The following ASNS variants were observed in gnomAD, a reference collection of about 807,000 sequenced individuals.
The protein encoded by ASNS is asparagine synthetase [glutamine-hydrolyzing].
A neutral mutation model predicts 62.6 loss-of-function variants in ASNS; 37 were observed. That is an observed-to-expected ratio of 0.59 (90% CI 0.45 to 0.78). ASNS has a LOEUF of 0.78. Ranked by LOEUF, ASNS falls within the 30% of genes least tolerant of loss-of-function variation. ASNS has a pLI of 0.00. For synonymous variants in ASNS, 207 were observed against 237.9 expected (o/e 0.87, Z 1.19); for missense variants, 520 against 682.4 (o/e 0.76, Z 2.65).
At chr7:97,917,216 C>CAAAAAAAA in the ASNS span, among the ~76,000 whole-genome samples, 1 of 113,658 alleles carries the variant, frequency 8.8e-6, no homozygotes, top group South Asian at 2.8e-4. Context: ...ATATTTGCAC[C>CAAAAAAAA]AAAAAAAAAA....
At chr7:97,912,880 C>A in the ASNS span, 1 of 142,038 alleles carries the variant, frequency 7.0e-6, no homozygotes, top group East Asian at 2.3e-4. Flanking sequence ...CCCTGCCCAG[C>A]CAATTTGCTA....
At chr7:97,924,807 A>T in the ASNS span, among the ~76,000 whole-genome samples, 1 of 152,248 alleles carries the variant, frequency 6.6e-6, no homozygotes, top group African/African-American at 2.4e-5. Context: ...ATGTAAAAAG[A>T]TATTGCCCAA....
rs1791602042 is a variant in ASNS at position 97,859,246 on chromosome 7, C to T, written c.640G>A (p.Ala214Thr). ...YHHCRDVPLH[A>T]LYDNVEKLFP... ...AGTTTCTCCACATTGTCATAGAGGG[C>T]GTGCAGGGGTACATCCCGACAGTGA... is the stretch of plus-strand genomic sequence containing the variant. The change falls in exon 5 of 13, where the codon GCC (alanine) becomes ACC (threonine). Residue 214 changes from alanine to threonine, a missense_variant. Coordinates refer to ENST00000394308, the MANE Select transcript of ASNS (RefSeq NM_001673.5). The T allele has an allele frequency of 4.3e-6, 7 of 1,613,532 alleles. No homozygotes were observed. Among genetic ancestry groups the T allele is most frequent in the South Asian group, 2.2e-5 (2 of 91,000 alleles).
intron 4 of ASNS, among the ~76,000 whole-genome samples, chr7:97,861,303 C>T (rs1254535699): frequency 1.3e-5 from 2 of 152,142 alleles, no homozygotes; most frequent in Non-Finnish European, 1.5e-5. Context: ...TAAGCCATCG[C>T]GCCTGGCCTG....
rs370383154 is a variant in ASNS at position 97,855,433 on chromosome 7, G to T, written c.1057C>A (p.Arg353=). ...VGMYLISKYI[R]KNTDSVVIFS... is the part of the protein sequence containing the mutation. ...ATCACCACGCTATCTGTGTTCTTCC[G>T]AATATACTTGGAAATTAAATACATA... The change falls in exon 9 of 13, where the codon CGG becomes AGG. Residue 353 remains arginine, a synonymous_variant. Transcript: ENST00000394308. 2 of 1,610,580 alleles carry T rather than the reference G, an allele frequency of 1.2e-6. No homozygotes were observed. The highest frequency in any genetic ancestry group is 1.7e-6 in the Non-Finnish European group (2 of 1,178,760).
chr7:97,859,033 T>A (rs1791589018), intron 5 of ASNS, 78 bp from the exon 6 acceptor site: 1 of 1,425,672 alleles, frequency 7.0e-7, no homozygotes, highest in African/African-American at 1.4e-5. Flanking sequence ...TACACAATCA[T>A]CAACATCTAT....
At chr7:97,896,733 C>T in the ASNS span, among the ~76,000 whole-genome samples, 169 of 26,138 alleles carry the variant, frequency 6.5e-3, no homozygotes, top group African/African-American at 0.015. Context: ...CACACACACA[C>T]ACACACACAT....
chr7:97,900,365 A>AG, the ASNS span, among the ~76,000 whole-genome samples: 2 of 149,224 alleles, frequency 1.3e-5, no homozygotes, highest in Admixed American at 1.3e-4. Flanking sequence ...TGTCTCAAAA[A>AG]AAAAAAAAAA....
chr7:97,867,192 T>C (rs1792022309), intron 3 of ASNS, among the ~76,000 whole-genome samples: 1 of 149,778 alleles, frequency 6.7e-6, no homozygotes, highest in Admixed American at 6.7e-5. Flanking sequence ...GGCCTGCTCT[T>C]TGCCCCAGCC....
chr7:97,883,618 A>C, the ASNS span, among the ~76,000 whole-genome samples: 1 of 152,234 alleles, frequency 6.6e-6, no homozygotes, highest in Non-Finnish European at 1.5e-5. Flanking sequence ...CACAGGGACC[A>C]AAGCGATCAC....
the ASNS span, chr7:97,906,281 A>G: frequency 9.5e-6 from 4 of 419,676 alleles, no homozygotes; most frequent in East Asian, 1.8e-4. Flanking sequence ...TCGCCCTGCC[A>G]TTGTTAGCAA....
chr7:97,913,729 T>C, the ASNS span, among the ~76,000 whole-genome samples: 2 of 150,828 alleles, frequency 1.3e-5, no homozygotes, highest in African/African-American at 2.4e-5. Context: ...TCTCAATTAC[T>C]AGAGCAGATA....
chr7:97,852,084 C>G lies in ASNS; in HGVS notation c.*175G>C. ...GATACAGCAAAACAGTTCTAGTTACCTCTTATGAAGAGACTGCATGAACAT... is the reference window on the plus strand; with the variant it reads ...GATACAGCAAAACAGTTCTAGTTACGTCTTATGAAGAGACTGCATGAACAT... On this transcript the variant is annotated 3_prime_UTR_variant, in exon 13 of 13. Transcript: ENST00000394308. 1.5e-6 allele frequency: 1 copy of G among 679,804 alleles called. No homozygotes were observed. Among genetic ancestry groups the G allele is most frequent in the South Asian group, 2.0e-5 (1 of 50,372 alleles). The allele number at this position is 679,804 out of a possible 1,614,324, so 42.1% of individuals were successfully genotyped here.
At chr7:97,855,022 G>A in intron 9 of ASNS, 1 of 364,696 alleles carries the variant, frequency 2.7e-6, no homozygotes, top group Non-Finnish European at 4.9e-6. Flanking sequence ...CTGTCAACCA[G>A]GCAGGAGTGC....
the ASNS span, chr7:97,928,096 C>CA: frequency 6.5e-7 from 1 of 1,527,450 alleles, no homozygotes; most frequent in African/African-American, 1.4e-5. Flanking sequence ...CTGCCGTCGC[C>CA]ACCTGTCTGG....
At chr7:97,890,543 A>T in the ASNS span, among the ~76,000 whole-genome samples, 8 of 150,992 alleles carry the variant, frequency 5.3e-5, no homozygotes, top group South Asian at 6.2e-4. Flanking sequence ...AAATAAAAAT[A>T]AAAAAATGTA....
chr7:97,926,187 G>A, the ASNS span, among the ~76,000 whole-genome samples: 1,104 of 151,974 alleles, frequency 7.3e-3, 3 homozygotes, highest in Middle Eastern at 0.024. Flanking sequence ...ACCCAACCAC[G>A]AGATCACAGC....
chr7:97,895,418 G>A, the ASNS span, among the ~76,000 whole-genome samples: 1 of 152,180 alleles, frequency 6.6e-6, no homozygotes, highest in African/African-American at 2.4e-5. Flanking sequence ...TGGACAAAAG[G>A]AGGTCAAATT....
chr7:97,869,204 C>A lies in ASNS; in HGVS notation c.-23-25G>T, dbSNP rs778413859. On this transcript the variant is annotated intron_variant, in intron 2 of 12. Transcript: ENST00000394308. ...TCTATGGAGAGAAAAGCAGACAAAT[C>A]AAAAATATTCAATATCCAATCCAAC... The A allele has an allele frequency of 1.9e-5, 31 of 1,595,542 alleles. 1 individual carries two copies. The East Asian group carries it at 4.3e-4, about 22-fold the overall frequency.
Sources: gnomAD v4.1 joint callset for allele counts (sites outside exome capture counted in the v4.1 genomes callset) on GRCh38, gnomAD v4.1.1 for gene constraint, MANE v1.5 for transcripts, NCBI Gene and HGNC (gene_info 2026-07-23, HGNC 2026-07-21) for gene names.